Variants in IMPA2 observed in about 807,000 individuals in gnomAD.
The protein encoded by IMPA2 is inositol monophosphatase 2.
IMPA2 carries 32 observed loss-of-function variants against 35.1 expected under a neutral mutation model. The observed-to-expected ratio is 0.91, with a 90% CI of 0.69 to 1.23. The LOEUF (loss-of-function observed/expected upper bound fraction) is 1.23. IMPA2 is among the 50% of genes most tolerant of loss of function. IMPA2 has a pLI of 0.00. For missense variants in IMPA2, 334 were observed against 387.6 expected (o/e 0.86, Z 1.16); for synonymous variants, 135 against 160.6 (o/e 0.84, Z 1.20).
In IMPA2 at chr18:11,986,203, C is replaced by T. The variant is rs538069240; in HGVS notation, c.96+4438C>T. ...CTTGCAGGTTATGCTTCCCGAGGCCCGGCCTTGCGAAGTGAGCCTGTCGTC... is the reference window on the plus strand; with the variant it reads ...CTTGCAGGTTATGCTTCCCGAGGCCTGGCCTTGCGAAGTGAGCCTGTCGTC... On this transcript the variant is annotated intron_variant, in intron 1 of 7. Coordinates refer to ENST00000269159, the MANE Select transcript of IMPA2 (RefSeq NM_014214.3). Among the ~76,000 whole-genome samples, 13 of 152,344 alleles carry T rather than the reference C, an allele frequency of 8.5e-5. No homozygotes were observed. The South Asian group carries it at 2.3e-3, about 27-fold the overall frequency.
At chr18:11,987,390 G>C (rs1281734357) in intron 1 of IMPA2, among the ~76,000 whole-genome samples, 1 of 152,146 alleles carries the variant, frequency 6.6e-6, no homozygotes, top group Non-Finnish European at 1.5e-5. Flanking sequence ...GAGTGCAGTG[G>C]CGTGATCTTG....
At chr18:12,008,051 T>A (rs1276670822) in intron 2 of IMPA2, among the ~76,000 whole-genome samples, 1 of 152,044 alleles carries the variant, frequency 6.6e-6, no homozygotes, top group African/African-American at 2.4e-5. Context: ...AACGTTAGGA[T>A]CACTGCAACC....
chr18:12,007,628 C>CTTCTTTCTCTCTTTCT (rs1907296929), intron 2 of IMPA2, among the ~76,000 whole-genome samples: 1 of 116,674 alleles, frequency 8.6e-6, no homozygotes, highest in African/African-American at 3.7e-5. Context: ...CTTTTTCTTT[C>CTTCTTTCTCTCTTTCT]TTCTTTCTTT....
intron 1 of IMPA2, among the ~76,000 whole-genome samples, chr18:11,997,561 T>C (rs1380764886): frequency 6.6e-6 from 1 of 152,196 alleles, no homozygotes; most frequent in Non-Finnish European, 1.5e-5. Flanking sequence ...ATGTAGGCAG[T>C]GAGAAGAGCA....
At chr18:12,017,851 G>A (rs571065519) in intron 5 of IMPA2, 30 of 334,738 alleles carry the variant, frequency 9.0e-5, no homozygotes, top group African/African-American at 2.7e-4. Flanking sequence ...CTCGGCCTCC[G>A]AAAGTGCTGG....
In IMPA2 at chr18:12,010,500, G is replaced by C. The variant is rs1907402682; in HGVS notation, c.335+513G>C. Among the ~76,000 whole-genome samples the C allele has an allele frequency of 6.6e-6, 1 of 152,236 alleles. No individual in the cohort carries two copies. The highest frequency in any genetic ancestry group is 6.5e-5 in the Admixed American group (1 of 15,290). Reference sequence around the variant, plus strand: ...GAGGTGAAGGGAATGGAGCTTCGGGGATGGTGAAGTGACAGGATGCAAAGG... The same window carrying C: ...GAGGTGAAGGGAATGGAGCTTCGGGCATGGTGAAGTGACAGGATGCAAAGG... On this transcript the variant is annotated intron_variant, in intron 3 of 7. Coordinates refer to ENST00000269159, the MANE Select transcript of IMPA2 (RefSeq NM_014214.3). The surrounding 1 kb of genome is among the most constrained non-coding windows in gnomAD (Gnocchi z 4.8).
chr18:11,994,672 GC>G (rs1474246573), intron 1 of IMPA2: 2 of 152,300 alleles, frequency 1.3e-5, no homozygotes, highest in African/African-American at 4.8e-5. Flanking sequence ...GTGTGCAGCA[GC>G]CAAGGACTCT....
At chr18:12,015,097 A>G (rs1376272342) in intron 5 of IMPA2, among the ~76,000 whole-genome samples, 1 of 152,198 alleles carries the variant, frequency 6.6e-6, no homozygotes, top group Non-Finnish European at 1.5e-5. Flanking sequence ...AAATGAGAGA[A>G]GCCTCAGACT....
intron 1 of IMPA2, among the ~76,000 whole-genome samples, chr18:11,996,033 A>T (rs1420216760): frequency 6.6e-6 from 1 of 152,128 alleles, no homozygotes; most frequent in Admixed American, 6.6e-5. Flanking sequence ...GGAAGGACGA[A>T]GGGAAGTAGA....
chr18:12,019,199 C>G (rs1217907666), intron 5 of IMPA2, among the ~76,000 whole-genome samples: 18 of 152,056 alleles, frequency 1.2e-4, no homozygotes, highest in Admixed American at 8.5e-4. Context: ...TTTTAAATCT[C>G]TTTTCAGATA....
At chr18:12,002,797 A>G (rs190489411) in intron 2 of IMPA2, among the ~76,000 whole-genome samples, 78 of 150,420 alleles carry the variant, frequency 5.2e-4, no homozygotes, top group African/African-American at 1.9e-3. Context: ...ATTAAAAGGA[A>G]CCCTTGCAGA....
intron 2 of IMPA2, among the ~76,000 whole-genome samples, chr18:12,000,334 CTT>C (rs533943091): frequency 0.19 from 20,957 of 111,076 alleles, 3,149 homozygotes; most frequent in African/African-American, 0.44. Context: ...CCACCTGGCT[CTT>C]TTTTTTTTTT....
At chr18:11,988,751 C>T (rs1238263972) in intron 1 of IMPA2, among the ~76,000 whole-genome samples, 1 of 152,178 alleles carries the variant, frequency 6.6e-6, no homozygotes, top group African/African-American at 2.4e-5. Context: ...TCCGAGATGG[C>T]AAAACTGCAG....
At chr18:11,992,091 G>A (rs1906831529) in intron 1 of IMPA2, among the ~76,000 whole-genome samples, 1 of 152,216 alleles carries the variant, frequency 6.6e-6, no homozygotes, top group African/African-American at 2.4e-5. Flanking sequence ...TGATCTGCCT[G>A]CCTCGGCCTC....
chr18:12,017,822 C>T (rs1907621479), intron 5 of IMPA2: 1 of 341,764 alleles, frequency 2.9e-6, no homozygotes, highest in Non-Finnish European at 5.7e-6. Context: ...AAACTGCTGA[C>T]CTCAAGTGAG....
intron 5 of IMPA2, among the ~76,000 whole-genome samples, chr18:12,024,630 T>C (rs1401891803): frequency 2.0e-5 from 3 of 152,198 alleles, no homozygotes; most frequent in Non-Finnish European, 4.4e-5. Context: ...CATTCTTCCT[T>C]GATTTTCCTG....
intron 4 of IMPA2, among the ~76,000 whole-genome samples, chr18:12,013,869 A>T (rs1359093039): frequency 6.6e-6 from 1 of 152,204 alleles, no homozygotes; most frequent in Non-Finnish European, 1.5e-5. Flanking sequence ...TTCTTCACAC[A>T]TCAGCAATTT....
intron 5 of IMPA2, among the ~76,000 whole-genome samples, chr18:12,024,355 G>A (rs1040951391): frequency 2.1e-4 from 32 of 152,110 alleles, no homozygotes; most frequent in South Asian, 4.2e-4. Context: ...ATGGTGGTGC[G>A]CACCTGTAAT....
chr18:12,006,622 A>G (rs1391456400), intron 2 of IMPA2, among the ~76,000 whole-genome samples: 1 of 152,156 alleles, frequency 6.6e-6, no homozygotes, highest in African/African-American at 2.4e-5. Flanking sequence ...GGGTTTCTCC[A>G]GGGGGCCGGG....
Sources: allele counts gnomAD v4.1 joint callset (sites outside exome capture counted in the v4.1 genomes callset), GRCh38; gene constraint gnomAD v4.1.1; non-coding constraint Gnocchi (gnomAD v3.1); transcripts MANE v1.5; gene names NCBI Gene and HGNC (gene_info 2026-07-23, HGNC 2026-07-21).